The following AHCY variants were observed in gnomAD, a reference collection of about 807,000 sequenced individuals.
The protein encoded by AHCY is S-adenosyl-L-homocysteine hydrolase.
A neutral mutation model predicts 45.4 loss-of-function variants in AHCY; 24 were observed. That is an observed-to-expected ratio of 0.53 (90% CI 0.38 to 0.74). AHCY has a LOEUF of 0.74. Ranked by LOEUF, AHCY falls within the 30% of genes least tolerant of loss-of-function variation. The pLI, the probability that AHCY is intolerant of heterozygous loss-of-function variation, is 0.00. For missense variants in AHCY, 449 were observed against 594.1 expected (o/e 0.76, Z 2.54); for synonymous variants, 245 against 235.1 (o/e 1.04, Z -0.39).
chr20:34,303,200 G>A lies in AHCY; in HGVS notation c.28+43C>T, dbSNP rs752591999. The A allele has an allele frequency of 3.2e-6, 5 of 1,550,512 alleles. No homozygotes were observed. In the African/African-American group the frequency reaches 5.5e-5, roughly 17 times the overall value. On this transcript the variant is annotated intron_variant, in intron 1 of 9. Transcript: ENST00000217426. The stretch of plus-strand genomic sequence containing the variant: ...CCCCCGCCACGAACAAGCCCCGGGC[G>A]GGTGCCGGGCGGCCGCAACCGGCTG...
the AHCY span, among the ~76,000 whole-genome samples, chr20:34,274,149 G>C: frequency 6.6e-6 from 1 of 152,194 alleles, no homozygotes; most frequent in Non-Finnish European, 1.5e-5. Context: ...ATATTGGGCT[G>C]CTGCTCACTG....
the AHCY span, among the ~76,000 whole-genome samples, chr20:34,256,147 C>CCT: frequency 1.1e-4 from 16 of 152,300 alleles, 1 homozygote; most frequent in South Asian, 3.1e-3. Flanking sequence ...CATAAACTGT[C>CCT]CTCTCTCTCC....
downstream of AHCY, among the ~76,000 whole-genome samples, chr20:34,276,261 C>G (rs1568778925): frequency 6.6e-6 from 1 of 152,154 alleles, no homozygotes; most frequent in Non-Finnish European, 1.5e-5. Context: ...CCTACAGAAT[C>G]AGGACTGGGG....
At chr20:34,235,551 C>T in the AHCY span, among the ~76,000 whole-genome samples, 1 of 152,036 alleles carries the variant, frequency 6.6e-6, no homozygotes, top group East Asian at 1.9e-4. Context: ...AGATTGAAGA[C>T]CAGGCAACAG....
the AHCY span, among the ~76,000 whole-genome samples, chr20:34,254,605 T>C: frequency 1.3e-5 from 2 of 152,208 alleles, no homozygotes; most frequent in Admixed American, 1.3e-4. Flanking sequence ...TCTGTATTCA[T>C]CCTGCCTATT....
chr20:34,233,137 C>A, the AHCY span, among the ~76,000 whole-genome samples: 45 of 137,152 alleles, frequency 3.3e-4, no homozygotes, highest in African/African-American at 1.1e-3. Context: ...GTGAATGGGA[C>A]AAGAGCTTTT....
In AHCY at chr20:34,303,321, G is replaced by A. The variant is rs1401599875; in HGVS notation, c.-51C>T. The A allele has an allele frequency of 2.6e-6, 4 of 1,551,390 alleles. No individual in the cohort carries two copies. Among genetic ancestry groups the A allele is most frequent in the African/African-American group, 2.7e-5 (2 of 73,074 alleles). ...GGCGAAGGGGGCTGGGCCTCAGTCT[G>A]GGAACAGGAACTGGGCGGGCAGCGC... On this transcript the variant is annotated 5_prime_UTR_variant, in exon 1 of 10. Transcript: ENST00000217426.
At chr20:34,282,022 T>C (rs190091527) in intron 9 of AHCY, among the ~76,000 whole-genome samples, 106 of 152,364 alleles carry the variant, frequency 7.0e-4, no homozygotes, top group African/African-American at 2.4e-3. Context: ...TGGATTAAAC[T>C]GGTTGCTTTT....
intron 9 of AHCY, among the ~76,000 whole-genome samples, chr20:34,282,195 G>A (rs2036026656): frequency 6.6e-6 from 1 of 152,156 alleles, no homozygotes; most frequent in African/African-American, 2.4e-5. Context: ...AGACCCTGTG[G>A]CTTCCTCCTT....
At chr20:34,235,861 GAAGGA>G in the AHCY span, among the ~76,000 whole-genome samples, 143 of 33,948 alleles carry the variant, frequency 4.2e-3, 2 homozygotes, top group African/African-American at 0.049. Context: ...AGGAAGGAAG[GAAGGA>G]AAGGAAGGAA....
the AHCY span, chr20:34,268,983 C>T: frequency 6.3e-7 from 1 of 1,598,778 alleles, no homozygotes; most frequent in African/African-American, 1.3e-5. Context: ...CCGGCGTTTC[C>T]CACGCAGAAG....
chr20:34,296,445 C>T (rs2036580294), intron 1 of AHCY, among the ~76,000 whole-genome samples: 1 of 152,116 alleles, frequency 6.6e-6, no homozygotes, highest in Non-Finnish European at 1.5e-5. Flanking sequence ...GTGTTGCCAC[C>T]TAAAATACTA....
intron 5 of AHCY, 69 bp from the exon 6 acceptor site, chr20:34,291,007 A>G (rs2036368887): frequency 2.6e-6 from 4 of 1,526,044 alleles, no homozygotes; most frequent in Non-Finnish European, 2.7e-6. Context: ...ACTTGGCCTC[A>G]GAGTATTCTG....
At chr20:34,257,076 T>TTTTTTTTTG in the AHCY span, among the ~76,000 whole-genome samples, 1 of 151,110 alleles carries the variant, frequency 6.6e-6, no homozygotes, top group African/African-American at 2.4e-5. Context: ...TTCTCTTTTT[T>TTTTTTTTTG]TTTTTTGTTT....
chr20:34,268,852 A>T, the AHCY span: 1 of 1,007,442 alleles, frequency 9.9e-7, no homozygotes, highest in East Asian at 2.7e-5. Context: ...TGACTGGGGG[A>T]GCGGGCGGTG....
At chr20:34,308,953 C>CGGATTTATCT (rs2036921447) in intron 1 of AHCY, among the ~76,000 whole-genome samples, 2 of 138,906 alleles carry the variant, frequency 1.4e-5, no homozygotes, top group East Asian at 2.1e-4. Flanking sequence ...TGCGCCTGGC[C>CGGATTTATCT]AATTTTTTTT....
chr20:34,283,520 CAT>C (rs2036072058), intron 9 of AHCY, among the ~76,000 whole-genome samples: 1 of 152,216 alleles, frequency 6.6e-6, no homozygotes, highest in Non-Finnish European at 1.5e-5. Context: ...CCCCAAGCCA[CAT>C]GTTAGCAATG....
At chr20:34,259,282 G>A in the AHCY span, among the ~76,000 whole-genome samples, 5 of 151,928 alleles carry the variant, frequency 3.3e-5, no homozygotes, top group South Asian at 8.3e-4. Context: ...AGTGGCAGTG[G>A]CTGGCGGATC....
At chr20:34,235,973 G>GAGGGAAGA in the AHCY span, among the ~76,000 whole-genome samples, 1 of 134,920 alleles carries the variant, frequency 7.4e-6, no homozygotes, top group Non-Finnish European at 1.6e-5. Flanking sequence ...AGGAGGGAGG[G>GAGGGAAGA]AGGGAAGAAG....
Sources: gnomAD v4.1 joint callset for allele counts (sites outside exome capture counted in the v4.1 genomes callset) on GRCh38, gnomAD v4.1.1 for gene constraint, MANE v1.5 for transcripts, NCBI Gene and HGNC (gene_info 2026-07-23, HGNC 2026-07-21) for gene names.